Variants in MAP7 observed in about 807,000 individuals in gnomAD.
MAP7 encodes the protein ensconsin.
A neutral mutation model predicts 94.8 loss-of-function variants in MAP7; 52 were observed. The observed-to-expected ratio is 0.55, with a 90% confidence interval of 0.44 to 0.69. The LOEUF (loss-of-function observed/expected upper bound fraction) is 0.69, where lower values mean the gene tolerates loss of function less well. Ranked by LOEUF, MAP7 falls within the 30% of genes least tolerant of loss-of-function variation. MAP7 has a pLI of 0.00. For synonymous variants in MAP7, 350 were observed against 357.0 expected (o/e 0.98, Z 0.22); for missense variants, 940 against 964.6 (o/e 0.97, Z 0.34).
At chr6:136,466,036 C>T (rs906939298) in intron 1 of MAP7, among the ~76,000 whole-genome samples, 2 of 152,132 alleles carry the variant, frequency 1.3e-5, no homozygotes, top group Non-Finnish European at 2.9e-5. Context: ...AAAAGTTACT[C>T]CCCGAAATGT....
At chr6:136,474,015 G>A (rs1473096977) in intron 1 of MAP7, among the ~76,000 whole-genome samples, 1 of 152,008 alleles carries the variant, frequency 6.6e-6, no homozygotes. Context: ...GTCAGGGAGG[G>A]CCTCTCTGAG....
intron 1 of MAP7, among the ~76,000 whole-genome samples, chr6:136,456,506 T>C (rs1392304194): frequency 6.6e-6 from 1 of 151,790 alleles, no homozygotes; most frequent in Non-Finnish European, 1.5e-5. Context: ...ACCCTGTCTC[T>C]ACAAATAATA....
At chr6:136,503,537 C>T (rs1008948100) in intron 1 of MAP7, among the ~76,000 whole-genome samples, 7 of 152,094 alleles carry the variant, frequency 4.6e-5, no homozygotes, top group Non-Finnish European at 8.8e-5. Flanking sequence ...CCCAGTGACT[C>T]GGCATACCTT....
At chr6:136,510,369 G>A (rs1016193275) in intron 1 of MAP7, among the ~76,000 whole-genome samples, 8 of 152,126 alleles carry the variant, frequency 5.3e-5, no homozygotes, top group African/African-American at 1.9e-4. Context: ...GCTATGAGGG[G>A]ACACTCCAGC....
chr6:136,476,848 T>C (rs1054627490), intron 1 of MAP7, among the ~76,000 whole-genome samples: 1 of 152,138 alleles, frequency 6.6e-6, no homozygotes, highest in African/African-American at 2.4e-5. Context: ...TTATAACTCA[T>C]AGAATAAATA....
chr6:136,516,040 C>T (rs184498911), intron 1 of MAP7, among the ~76,000 whole-genome samples: 3 of 152,222 alleles, frequency 2.0e-5, no homozygotes, highest in Admixed American at 1.3e-4. Context: ...CTGCAAGCTT[C>T]GTCTAGTTGA....
intron 1 of MAP7, among the ~76,000 whole-genome samples, chr6:136,503,025 C>A (rs1820254957): frequency 1.3e-5 from 2 of 152,192 alleles, no homozygotes; most frequent in Non-Finnish European, 2.9e-5. Context: ...TAACTCCCTA[C>A]CTTTTAATTA....
chr6:136,434,456 C>T (rs185561882), intron 1 of MAP7, among the ~76,000 whole-genome samples: 1 of 152,004 alleles, frequency 6.6e-6, no homozygotes, highest in African/African-American at 2.4e-5. Context: ...GTATGCTTAG[C>T]GTAACAAGCA....
intron 1 of MAP7, among the ~76,000 whole-genome samples, chr6:136,523,540 T>C (rs537154035): frequency 6.6e-6 from 1 of 152,238 alleles, no homozygotes; most frequent in Non-Finnish European, 1.5e-5. Context: ...ATTGTTAAGA[T>C]GGACCCAATG....
chr6:136,423,869 C>T (rs2128780970), intron 1 of MAP7, among the ~76,000 whole-genome samples: 1 of 150,670 alleles, frequency 6.6e-6, no homozygotes, highest in Non-Finnish European at 1.5e-5. Context: ...GATCTTGGCT[C>T]ACCGGCAACC....
intron 1 of MAP7, among the ~76,000 whole-genome samples, chr6:136,448,950 T>C (rs951443609): frequency 6.7e-6 from 1 of 149,864 alleles, no homozygotes; most frequent in African/African-American, 2.5e-5. Context: ...TTCCCCCACT[T>C]AAAGCATGCC....
rs372853594 is a variant in MAP7 at position 136,498,478 on chromosome 6, C to T, written c.67+51864G>A. Among the ~76,000 whole-genome samples, 81 of 152,138 alleles carry T rather than the reference C, an allele frequency of 5.3e-4. 1 individual carries two copies. In the South Asian group the frequency reaches 8.5e-3, roughly 16 times the overall value. On this transcript the variant is annotated intron_variant, in intron 1 of 17. Transcript: ENST00000354570. ...CTGACTTTGGACAAGACAGTGCAGA[C>T]GCTGGTTCTAAAATGAAATGAAAAC...
At position 136,447,889 on chromosome 6, in the gene MAP7, A is replaced by G. The variant is rs922654834; in HGVS notation, c.68-26090T>C. Among the ~76,000 whole-genome samples the G allele has an allele frequency of 2.0e-5, 3 of 152,230 alleles. No individual in the cohort carries two copies. In the South Asian group the frequency reaches 6.2e-4, roughly 32 times the overall value. ...GAAATAAGAAGCAGTTTGGCCAAAC[A>G]GCTTCAAAATTTAAAATGAAGGCTG... On this transcript the variant is annotated intron_variant, in intron 1 of 17. Transcript: ENST00000354570.
chr6:136,526,209 C>T, intron 1 of MAP7: 1 of 1,230,236 alleles, frequency 8.1e-7, no homozygotes, highest in Middle Eastern at 3.3e-4. Context: ...CAGCCCCCTC[C>T]CACTGACTCC....
chr6:136,530,360 C>T (rs998857290), intron 1 of MAP7, among the ~76,000 whole-genome samples: 3 of 152,158 alleles, frequency 2.0e-5, no homozygotes, highest in Admixed American at 6.5e-5. Flanking sequence ...TTTCAACATT[C>T]GAAGAGATGG....
intron 13 of MAP7, among the ~76,000 whole-genome samples, chr6:136,360,309 C>A (rs896063330): frequency 2.0e-5 from 3 of 152,136 alleles, no homozygotes; most frequent in Non-Finnish European, 4.4e-5. Context: ...CCACGCCCAG[C>A]TAATTTTTAC....
Position 136,526,786 on chromosome 6 carries a change from G to A in MAP7, c.67+23556C>T, listed in dbSNP as rs74358556. On this transcript the variant is annotated intron_variant, in intron 1 of 17. Transcript: ENST00000354570. ...TTGTCTATCATAACAATGTTTGCAA[G>A]CCCCTGGATGAATGAAGGCATGGCT... The A allele has an allele frequency of 4.1e-3, 2,485 of 602,672 alleles. 112 individuals are homozygous for A. The East Asian group carries it at 0.14, about 33-fold the overall frequency. 37.3% of individuals were successfully genotyped at this position (602,672 alleles called of 1,614,324 possible).
chr6:136,355,397 A>T (rs1790607402), intron 16 of MAP7, among the ~76,000 whole-genome samples: 1 of 152,160 alleles, frequency 6.6e-6, no homozygotes, highest in Admixed American at 6.6e-5. Flanking sequence ...CAATAAAGTT[A>T]TTCAACATAA....
intron 1 of MAP7, among the ~76,000 whole-genome samples, chr6:136,443,429 T>G (rs1313383999): frequency 6.6e-6 from 1 of 150,888 alleles, no homozygotes; most frequent in Non-Finnish European, 1.5e-5. Flanking sequence ...ACCTTGTTTC[T>G]CACATACATT....
Sources: allele counts gnomAD v4.1 joint callset (sites outside exome capture counted in the v4.1 genomes callset), GRCh38; gene constraint gnomAD v4.1.1; transcripts MANE v1.5; gene names NCBI Gene and HGNC (gene_info 2026-07-23, HGNC 2026-07-21).